The following BIN3 variants were observed in gnomAD, a reference collection of about 807,000 sequenced individuals.
The protein encoded by BIN3 is bridging integrator 3.
A neutral mutation model predicts 38.2 loss-of-function variants in BIN3; 41 were observed. The observed-to-expected ratio is 1.07, with a 90% CI of 0.84 to 1.39. The LOEUF is 1.39. BIN3 is among the 40% of genes most tolerant of loss of function. BIN3 has a pLI of 0.00. For missense variants in BIN3, 361 were observed against 324.3 expected, an observed-to-expected ratio of 1.11 and a Z score of -0.87; for synonymous variants, 145 against 122.6, an observed-to-expected ratio of 1.18 and a Z score of -1.21.
intron 4 of BIN3, among the ~76,000 whole-genome samples, chr8:22,633,698 C>A (rs532990840): frequency 2.4e-4 from 36 of 152,370 alleles, no homozygotes; most frequent in Non-Finnish European, 4.1e-4. Flanking sequence ...ACAGTGTGGG[C>A]CTCAGCATCA....
intron 2 of BIN3, among the ~76,000 whole-genome samples, chr8:22,637,681 C>T (rs898972053): frequency 4.6e-5 from 7 of 152,196 alleles, no homozygotes; most frequent in South Asian, 4.1e-4. Flanking sequence ...CTTGACTTCA[C>T]TATCTGTAAA....
In BIN3 at chr8:22,665,593, G is replaced by A. The variant is rs569534082; in HGVS notation, c.8+3451C>T. Among the ~76,000 whole-genome samples, 6 of 152,320 alleles carry A rather than the reference G, an allele frequency of 3.9e-5. No individual in the cohort carries two copies. The East Asian group carries it at 1.2e-3, about 29-fold the overall frequency. On this transcript the variant is annotated intron_variant, in intron 1 of 8. Transcript: ENST00000276416. ...TGAGTAGATGCTGGCCTAGTGGACA[G>A]GGTGTGAGTGAAGGGGAAACATTTC... is the stretch of plus-strand genomic sequence containing the variant.
At chr8:22,648,319 TC>T (rs1212238768) in intron 1 of BIN3, among the ~76,000 whole-genome samples, 5 of 152,140 alleles carry the variant, frequency 3.3e-5, no homozygotes, top group African/African-American at 1.2e-4. Flanking sequence ...TTTCCCCATG[TC>T]CTTTCTCAGT....
chr8:22,630,361 C>A, intron 5 of BIN3, 81 bp downstream of exon 5: 1 of 1,543,874 alleles, frequency 6.5e-7, no homozygotes, highest in Non-Finnish European at 8.8e-7. Flanking sequence ...GGAGCCCACT[C>A]GGGCCTCCCC....
chr8:22,654,401 T>C (rs1209972784), intron 1 of BIN3, among the ~76,000 whole-genome samples: 1 of 152,216 alleles, frequency 6.6e-6, no homozygotes, highest in Non-Finnish European at 1.5e-5. Context: ...GTTTTTAGTA[T>C]ATTCCCAGAA....
intron 2 of BIN3, among the ~76,000 whole-genome samples, chr8:22,644,111 T>C (rs1308486862): frequency 1.3e-5 from 2 of 152,260 alleles, no homozygotes; most frequent in Non-Finnish European, 2.9e-5. Context: ...ATTTTCTTCA[T>C]CAGGAAAAAT....
intron 1 of BIN3, among the ~76,000 whole-genome samples, chr8:22,668,065 C>G (rs191356763): frequency 6.6e-6 from 1 of 152,322 alleles, no homozygotes; most frequent in African/African-American, 2.4e-5. Context: ...TCTTGTACAT[C>G]TCTGGGGCTC....
intron 8 of BIN3, among the ~76,000 whole-genome samples, chr8:22,623,258 C>T (rs1465396063): frequency 6.6e-6 from 1 of 152,198 alleles, no homozygotes; most frequent in Non-Finnish European, 1.5e-5. Flanking sequence ...TTCCTAAAGG[C>T]TTGAAGATGG....
intron 4 of BIN3, 141 bp from the exon 5 acceptor site, chr8:22,630,719 T>C: frequency 3.4e-6 from 3 of 890,722 alleles, no homozygotes; most frequent in Non-Finnish European, 5.0e-6. Context: ...AACGGCGAAG[T>C]ACCACACAAC....
rs549955494 is a variant in BIN3 at position 22,651,760 on chromosome 8, T to C, written c.9-6957A>G. On this transcript the variant is annotated intron_variant, in intron 1 of 8. Coordinates refer to ENST00000276416, the MANE Select transcript of BIN3 (RefSeq NM_018688.6). ...GGAATATATGTTTGTCACGGTGTTG[T>C]ATAATTTTACAACAATGTGGGTCTA... is the stretch of plus-strand genomic sequence containing the variant. 6.1e-4 allele frequency among the ~76,000 whole-genome samples: 93 copies of C among 152,346 alleles called. 2 individuals are homozygous for C. The highest frequency in any genetic ancestry group is 2.2e-3 in the African/African-American group (92 of 41,578).
intron 6 of BIN3, chr8:22,625,600 G>C: frequency 1.7e-6 from 1 of 591,598 alleles, no homozygotes; most frequent in South Asian, 1.9e-5. Context: ...CCAGGAATTT[G>C]GTTTTGAGAC....
At chr8:22,651,485 C>A (rs1254562561) in intron 1 of BIN3, among the ~76,000 whole-genome samples, 1 of 152,198 alleles carries the variant, frequency 6.6e-6, no homozygotes, top group Non-Finnish European at 1.5e-5. Context: ...TCATTTACCC[C>A]TTATTTTGGT....
chr8:22,636,583 C>A lies in BIN3; in HGVS notation c.102G>T (p.Leu34=). The A allele has an allele frequency of 6.4e-7, 1 of 1,552,078 alleles. No individual in the cohort carries two copies. Among genetic ancestry groups the A allele is most frequent in the Non-Finnish European group, 8.7e-7 (1 of 1,147,360 alleles). ...TCTGCAGCCTCCGGGTCTGCTCTTC[C>A]AGCCTGCAAGGCAGGGGACGGGCTG... The part of the protein sequence containing the change: ...FEREYGKLQQ[L]EEQTRRLQKD... Residue 34 remains leucine, a synonymous_variant, in exon 4 of 9, where the codon CTG becomes CTT. Transcript: ENST00000276416.
intron 1 of BIN3, among the ~76,000 whole-genome samples, chr8:22,665,307 A>C (rs1251088333): frequency 2.0e-5 from 3 of 152,210 alleles, no homozygotes; most frequent in Non-Finnish European, 4.4e-5. Flanking sequence ...TCCTGAGCTG[A>C]GGCAAGTCAG....
At chr8:22,624,958 A>C in intron 6 of BIN3, 1 of 269,852 alleles carries the variant, frequency 3.7e-6, no homozygotes, top group Non-Finnish European at 7.1e-6. Context: ...GCAGAACTGA[A>C]ATCTAAACTC....
intron 1 of BIN3, among the ~76,000 whole-genome samples, chr8:22,668,164 CAT>C (rs1390560418): frequency 6.6e-6 from 1 of 152,156 alleles, no homozygotes; most frequent in Non-Finnish European, 1.5e-5. Flanking sequence ...TAAGGTGCTG[CAT>C]ATGAGTATTC....
rs1410756420 is a variant in BIN3 at position 22,631,534 on chromosome 8, G to A, written c.161-956C>T. Among the ~76,000 whole-genome samples, 5 of 152,306 alleles carry A rather than the reference G, an allele frequency of 3.3e-5. No homozygotes were observed. The East Asian group carries it at 5.8e-4, about 18-fold the overall frequency. On this transcript the variant is annotated intron_variant, in intron 4 of 8. Transcript: ENST00000276416. ...ATTTTAGCGAGGAGGCAGATTAGGC[G>A]CAAAAGGGTTTGTAATGCCTCCAAG...
chr8:22,623,324 G>A (rs748677042), intron 8 of BIN3, among the ~76,000 whole-genome samples: 15 of 152,294 alleles, frequency 9.8e-5, no homozygotes, highest in East Asian at 1.9e-4. Context: ...GGAAGGAGAC[G>A]CTGGGGCCTG....
At chr8:22,634,566 T>A (rs762871808) in intron 4 of BIN3, 2 of 455,824 alleles carry the variant, frequency 4.4e-6, no homozygotes, top group African/African-American at 2.0e-5. Context: ...CTGCCTCTAT[T>A]GGGACATTTC....
Sources: gnomAD v4.1 joint callset for allele counts (sites outside exome capture counted in the v4.1 genomes callset) on GRCh38, gnomAD v4.1.1 for gene constraint, MANE v1.5 for transcripts, NCBI Gene and HGNC (gene_info 2026-07-23, HGNC 2026-07-21) for gene names.